SMARCB1: variants seen among roughly 807,000 people sequenced by gnomAD.
The protein encoded by SMARCB1 is SWI/SNF related BAF chromatin remodeling complex subunit B1.
SMARCB1 carries 5 observed loss-of-function variants against 49.0 expected under a neutral mutation model. The observed-to-expected ratio is 0.10, with a 90% confidence interval of 0.05 to 0.21. The LOEUF is 0.21. SMARCB1 is among the 10% of genes least tolerant of loss of function. SMARCB1 has a pLI of 1.00. For synonymous variants in SMARCB1, 201 were observed against 200.1 expected (o/e 1.00, Z -0.04); for missense variants, 226 against 509.2 (o/e 0.44, Z 5.35).
intron 1 of SMARCB1, among the ~76,000 whole-genome samples, chr22:23,788,349 A>G (rs1928145652): frequency 1.3e-5 from 2 of 152,232 alleles, no homozygotes; most frequent in Admixed American, 6.5e-5. Flanking sequence ...AATTAAAGCT[A>G]TCATGAAATG....
intron 6 of SMARCB1, chr22:23,817,190 C>G: frequency 1.7e-6 from 1 of 579,018 alleles, no homozygotes; most frequent in Non-Finnish European, 3.1e-6. Context: ...TGAGCAAAGC[C>G]CGGAGGTCTA....
At position 23,833,693 on chromosome 22, in the gene SMARCB1, A is replaced by C; in HGVS notation, c.1108A>C (p.Arg370=). 1 of 1,614,082 alleles carries C rather than the reference A, an allele frequency of 6.2e-7. No homozygotes were observed. The highest frequency in any genetic ancestry group is 1.1e-5 in the South Asian group (1 of 91,088). ...GGAGAAGAAGATCCGCGACCAGGAC[A>C]GGAACACGAGGTACCCCTGGCCCTG... The part of the protein sequence containing the change: ...EMEKKIRDQD[R]NTRRMRRLAN... Residue 370 remains arginine (R), a synonymous_variant, in exon 8 of 9, where the codon AGG becomes CGG. Coordinates refer to ENST00000644036, the MANE Select transcript of SMARCB1 (RefSeq NM_003073.5).
chr22:23,824,771 G>C (rs1269267811), intron 6 of SMARCB1: 1 of 221,000 alleles, frequency 4.5e-6, no homozygotes, highest in Non-Finnish European at 9.2e-6. Flanking sequence ...GAACACGCTA[G>C]GCAGGGTTTT....
chr22:23,795,750 G>A (rs9612429), intron 3 of SMARCB1, among the ~76,000 whole-genome samples: 16,257 of 151,014 alleles, frequency 0.11, 924 homozygotes, highest in South Asian at 0.17. Flanking sequence ...AGGAATTGGG[G>A]AAGGTGTGAT....
At position 23,834,444 on chromosome 22, in the gene SMARCB1, T is replaced by C. The variant is rs1440836466; in HGVS notation, c.*264T>C. ...CTTATTTTAGGTTGTGTTTTGTTTT[T>C]GTATAGGAGCCCCAGGCAGGGCTAG... On this transcript the variant is annotated 3_prime_UTR_variant, in exon 9 of 9. Coordinates refer to ENST00000644036, the MANE Select transcript of SMARCB1 (RefSeq NM_003073.5). The C allele has an allele frequency of 1.4e-6, 1 of 701,146 alleles. No homozygotes were observed. Among genetic ancestry groups the C allele is most frequent in the Non-Finnish European group, 2.6e-6 (1 of 385,260 alleles). 43.4% of individuals were successfully genotyped at this position (701,146 alleles called of 1,614,324 possible). A position where few individuals can be genotyped will look rare whatever the true frequency, so the allele number is the denominator to read the frequency against.
rs1427337697 is a variant in SMARCB1 at position 23,837,963 on chromosome 22, C to T, written c.*3783C>T. The T allele has an allele frequency of 1.1e-5, 14 of 1,291,194 alleles. No individual in the cohort carries two copies. Among genetic ancestry groups the T allele is most frequent in the Non-Finnish European group, 1.5e-5 (14 of 955,268 alleles). 80.0% of individuals were successfully genotyped at this position (1,291,194 alleles called of 1,614,324 possible). A position where few individuals can be genotyped will look rare whatever the true frequency, so the allele number is the denominator to read the frequency against. ...CCCTCATCTCCCCTATGTGCTATTC[C>T]CTCATCAAGATGAGCCAGTCCAATA... On this transcript the variant is annotated 3_prime_UTR_variant, in exon 9 of 9. Transcript: ENST00000644036.
intron 7 of SMARCB1, among the ~76,000 whole-genome samples, chr22:23,828,114 G>T (rs527934635): frequency 6.6e-6 from 1 of 152,104 alleles, no homozygotes. Context: ...GTGCAGTGGC[G>T]TGATCTCGGC....
At chr22:23,787,441 G>T (rs1349971760) in intron 1 of SMARCB1, among the ~76,000 whole-genome samples, 179 bp downstream of exon 1, 1 of 151,818 alleles carries the variant, frequency 6.6e-6, no homozygotes, top group Non-Finnish European at 1.5e-5. Context: ...CCCCCTCATC[G>T]ACCTGGGATT....
At chr22:23,799,679 ATTTTTTTTT>A (rs71184912) in intron 3 of SMARCB1, among the ~76,000 whole-genome samples, 2 of 68,406 alleles carry the variant, frequency 2.9e-5, no homozygotes, top group Non-Finnish European at 5.4e-5. Context: ...CACCTGGCTA[ATTTTTTTTT>A]TTTTTTTTTT....
chr22:23,809,902 G>C (rs1929758179), intron 5 of SMARCB1, among the ~76,000 whole-genome samples: 1 of 152,104 alleles, frequency 6.6e-6, no homozygotes, highest in East Asian at 2.0e-4. Context: ...TGGGCGGGGT[G>C]GCTCATGCCT....
chr22:23,797,923 G>A (rs1928881904), intron 3 of SMARCB1, among the ~76,000 whole-genome samples: 1 of 152,118 alleles, frequency 6.6e-6, no homozygotes, highest in Admixed American at 6.6e-5. Flanking sequence ...CTGGCCAGAA[G>A]GTTGAATTTT....
Position 23,803,220 on chromosome 22 carries a change from A to AAT in SMARCB1, c.501-75_501-74insAT. On this transcript the variant is annotated intron_variant, in intron 4 of 8. Coordinates refer to ENST00000644036, the MANE Select transcript of SMARCB1 (RefSeq NM_003073.5). ...ATGGGTTTGCAGAAGCCTGCTGTGC[A>AAT]GAGAGAGAGGCTGAAAATTTGCATA... 1.9e-6 allele frequency: 3 copies of AAT among 1,587,522 alleles called. No individual in the cohort carries two copies. In the South Asian group the frequency reaches 3.3e-5, roughly 18 times the overall value.
At chr22:23,812,301 T>C (rs535505394) in intron 5 of SMARCB1, among the ~76,000 whole-genome samples, 7 of 152,252 alleles carry the variant, frequency 4.6e-5, no homozygotes, top group South Asian at 2.1e-4. Flanking sequence ...AATTAAATTT[T>C]AATATAAAAC....
chr22:23,809,815 G>C (rs1929752518), intron 5 of SMARCB1, among the ~76,000 whole-genome samples: 1 of 152,124 alleles, frequency 6.6e-6, no homozygotes, highest in Non-Finnish European at 1.5e-5. Flanking sequence ...CCTGTACCCA[G>C]TGACAATATT....
intron 5 of SMARCB1, among the ~76,000 whole-genome samples, chr22:23,804,558 A>C (rs1253809851): frequency 6.7e-6 from 1 of 149,190 alleles, no homozygotes. Context: ...TTTTTTTGGG[A>C]GGGGAGATGG....
chr22:23,816,525 T>G, intron 5 of SMARCB1: 1 of 600,860 alleles, frequency 1.7e-6, no homozygotes, highest in East Asian at 2.8e-5. Context: ...ATGAGGGAAG[T>G]GTTTATGGCC....
At chr22:23,829,424 G>A (rs1238763967) in intron 7 of SMARCB1, among the ~76,000 whole-genome samples, 4 of 152,168 alleles carry the variant, frequency 2.6e-5, no homozygotes, top group Non-Finnish European at 5.9e-5. Flanking sequence ...GCCCCAGGGG[G>A]CTCTGCACAC....
At chr22:23,802,155 C>G (rs1929195189) in intron 4 of SMARCB1, 1 of 152,776 alleles carries the variant, frequency 6.5e-6, no homozygotes, top group Admixed American at 6.5e-5. Flanking sequence ...ATCATGTCAC[C>G]TCTCCACGCA....
chr22:23,807,322 C>T (rs1310266171), intron 5 of SMARCB1, among the ~76,000 whole-genome samples: 1 of 152,116 alleles, frequency 6.6e-6, no homozygotes, highest in African/African-American at 2.4e-5. Context: ...TTAAATGAGG[C>T]TGAGCACAGT....
Sources: allele counts gnomAD v4.1 joint callset (sites outside exome capture counted in the v4.1 genomes callset), GRCh38; gene constraint gnomAD v4.1.1; transcripts MANE v1.5; gene names NCBI Gene and HGNC (gene_info 2026-07-23, HGNC 2026-07-21).